NCAM1: variants seen among roughly 807,000 people sequenced by gnomAD.
NCAM1 encodes the protein neural cell adhesion molecule 1, also known as antigen recognized by monoclonal antibody 5.1H11.
A neutral mutation model predicts 109.8 loss-of-function variants in NCAM1; 14 were observed. The observed-to-expected ratio is 0.13, with a 90% CI of 0.08 to 0.20. The LOEUF (loss-of-function observed/expected upper bound fraction) is 0.20. Among genes scored for constraint, NCAM1 ranks in the 10% least tolerant of loss-of-function variants. NCAM1 has a pLI of 1.00. For synonymous variants in NCAM1, 418 were observed against 442.9 expected, an observed-to-expected ratio of 0.94 and a Z score of 0.70; for missense variants, 774 against 1,109.9, an observed-to-expected ratio of 0.70 and a Z score of 4.30.
intron 1 of NCAM1, among the ~76,000 whole-genome samples, chr11:113,169,633 T>TTC (rs1555105882): frequency 1.3e-5 from 2 of 150,960 alleles, no homozygotes. Context: ...ATGGGAGTTT[T>TTC]TTTTTTTTTT....
Position 113,256,131 on chromosome 11 carries a change from C to T in NCAM1, c.1953+130C>T, listed in dbSNP as rs577700101. 4.8e-6 allele frequency: 6 copies of T among 1,245,682 alleles called. No individual in the cohort carries two copies. The South Asian group carries it at 9.8e-5, about 20-fold the overall frequency. The allele number at this position is 1,245,682 out of a possible 1,614,324, so 77.2% of individuals were successfully genotyped here. ...CTTATTCTGTGTCTGGCAGGTGGCC[C>T]ATGGGCCCTGGCCATGGCTTAAAAT... is the stretch of plus-strand genomic sequence containing the variant. On this transcript the variant is annotated intron_variant, in intron 16 of 19. Coordinates refer to ENST00000316851, the MANE Select transcript of NCAM1 (RefSeq NM_181351.5).
At chr11:113,215,763 C>A (rs1332288479) in intron 8 of NCAM1, among the ~76,000 whole-genome samples, 1 of 152,200 alleles carries the variant, frequency 6.6e-6, no homozygotes, top group Admixed American at 6.5e-5. Context: ...ACTGTGAAAA[C>A]CAGCTAGATT....
intron 1 of NCAM1, among the ~76,000 whole-genome samples, chr11:112,964,893 G>T (rs1163979625): frequency 1.3e-5 from 2 of 152,124 alleles, no homozygotes; most frequent in Non-Finnish European, 2.9e-5. Flanking sequence ...AGACGTGTGG[G>T]CTATGATTTA....
At chr11:113,150,688 T>C (rs1942194719) in intron 1 of NCAM1, among the ~76,000 whole-genome samples, 1 of 152,096 alleles carries the variant, frequency 6.6e-6, no homozygotes, top group African/African-American at 2.4e-5. Context: ...GTTCCCAAAC[T>C]GTTGGGCAGT....
intron 9 of NCAM1, among the ~76,000 whole-genome samples, chr11:113,223,455 A>T (rs1366538815): frequency 1.4e-5 from 2 of 146,482 alleles, no homozygotes; most frequent in East Asian, 2.1e-4. Flanking sequence ...GATAGGAATT[A>T]AAAAAAAAAA....
intron 1 of NCAM1, among the ~76,000 whole-genome samples, chr11:113,105,042 G>A (rs1555092262): frequency 6.6e-6 from 1 of 152,258 alleles, no homozygotes; most frequent in African/African-American, 2.4e-5. Flanking sequence ...TCAGGCATTA[G>A]AGAGTACATG....
chr11:113,118,408 A>G lies in NCAM1; in HGVS notation c.53-83971A>G, dbSNP rs1940802009. ...AAAAGGGCCCTGCCTTTATTGGGGA[A>G]GATTTTCTTGGACTTAAGAAGTTTT... On this transcript the variant is annotated intron_variant, in intron 1 of 19. Transcript: ENST00000316851. Among the ~76,000 whole-genome samples, 2 of 151,954 alleles carry G rather than the reference A, an allele frequency of 1.3e-5. 1 individual carries two copies. The highest frequency in any genetic ancestry group is 4.9e-5 in the African/African-American group (2 of 41,230).
At chr11:113,218,149 G>A (rs1214089927) in intron 8 of NCAM1, among the ~76,000 whole-genome samples, 1 of 152,206 alleles carries the variant, frequency 6.6e-6, no homozygotes, top group Non-Finnish European at 1.5e-5. Flanking sequence ...CCTTCCCAAT[G>A]CAGTCGTCAT....
chr11:113,193,890 C>A (rs1943773794), intron 1 of NCAM1, among the ~76,000 whole-genome samples: 2 of 152,124 alleles, frequency 1.3e-5, no homozygotes, highest in African/African-American at 4.8e-5. Context: ...CGTTTTCTAG[C>A]AGCTAGGTGG....
chr11:113,244,577 A>G (rs1267535023), intron 14 of NCAM1, among the ~76,000 whole-genome samples: 1 of 152,156 alleles, frequency 6.6e-6, no homozygotes, highest in Admixed American at 6.5e-5. Context: ...AGCTATCAGC[A>G]TGTGAATATC....
intron 1 of NCAM1, among the ~76,000 whole-genome samples, chr11:113,013,081 T>G (rs1272568251): frequency 6.6e-6 from 1 of 152,118 alleles, no homozygotes; most frequent in African/African-American, 2.4e-5. Context: ...TTGTATAATT[T>G]TTGGAAATTA....
chr11:112,992,662 G>A (rs1311648731), intron 1 of NCAM1, among the ~76,000 whole-genome samples: 2 of 151,582 alleles, frequency 1.3e-5, no homozygotes, highest in Non-Finnish European at 1.5e-5. Context: ...CACCATGCCC[G>A]GCTAATTTTT....
intron 1 of NCAM1, among the ~76,000 whole-genome samples, chr11:112,971,232 C>G (rs1197235942): frequency 2.6e-5 from 4 of 152,060 alleles, no homozygotes; most frequent in Non-Finnish European, 4.4e-5. Flanking sequence ...CAATTTCTCT[C>G]TCTCTCTCTC....
At chr11:113,124,839 G>A (rs555620267) in intron 1 of NCAM1, among the ~76,000 whole-genome samples, 74 of 152,268 alleles carry the variant, frequency 4.9e-4, no homozygotes, top group Admixed American at 8.5e-4. Context: ...AGCTTGAATC[G>A]ACACTTCTGC....
At chr11:113,200,058 G>C (rs1178129786) in intron 1 of NCAM1, among the ~76,000 whole-genome samples, 1 of 152,076 alleles carries the variant, frequency 6.6e-6, no homozygotes, top group Non-Finnish European at 1.5e-5. Flanking sequence ...TTTTCACTTG[G>C]GATAAGAATA....
At chr11:113,126,724 A>G (rs906933740) in intron 1 of NCAM1, among the ~76,000 whole-genome samples, 1 of 152,206 alleles carries the variant, frequency 6.6e-6, no homozygotes, top group Admixed American at 6.5e-5. Flanking sequence ...TTACTTTTCA[A>G]TAGGAATCCA....
chr11:113,155,105 G>A (rs1942361688), intron 1 of NCAM1, among the ~76,000 whole-genome samples: 1 of 152,204 alleles, frequency 6.6e-6, no homozygotes, highest in Non-Finnish European at 1.5e-5. Context: ...CAGGGAGGAT[G>A]ACATTAGATG....
chr11:113,258,591 G>A (rs117904944), intron 16 of NCAM1, among the ~76,000 whole-genome samples: 1 of 152,154 alleles, frequency 6.6e-6, no homozygotes, highest in African/African-American at 2.4e-5. Context: ...GATCAGTAGG[G>A]TGACTGTAGT....
At chr11:113,171,923 G>A (rs116071135) in intron 1 of NCAM1, among the ~76,000 whole-genome samples, 296 of 152,200 alleles carry the variant, frequency 1.9e-3, no homozygotes, top group African/African-American at 6.5e-3. Context: ...CAGCATGACC[G>A]GCATTCTTAT....
Sources: allele counts gnomAD v4.1 joint callset (sites outside exome capture counted in the v4.1 genomes callset), GRCh38; gene constraint gnomAD v4.1.1; transcripts MANE v1.5; gene names NCBI Gene and HGNC (gene_info 2026-07-23, HGNC 2026-07-21).